The following ARHGEF26 variants were observed in gnomAD, a reference collection of about 807,000 sequenced individuals.
ARHGEF26 encodes Rho guanine nucleotide exchange factor 26.
Under a neutral mutation model 89.4 loss-of-function variants are expected in ARHGEF26, and 59 were observed. That is an observed-to-expected ratio of 0.66 (90% CI 0.54 to 0.82). The LOEUF is 0.82. Among genes scored for constraint, ARHGEF26 ranks in the 40% least tolerant of loss-of-function variants. The pLI is 0.00. For synonymous variants in ARHGEF26, 500 were observed against 428.4 expected (o/e 1.17, Z -2.06); for missense variants, 1,234 against 1,085.6 (o/e 1.14, Z -1.92).
At chr3:154,177,066 T>C (rs767598866) in intron 6 of ARHGEF26, among the ~76,000 whole-genome samples, 4 of 152,186 alleles carry the variant, frequency 2.6e-5, no homozygotes, top group Non-Finnish European at 5.9e-5. Flanking sequence ...AAGGGATGCA[T>C]GTATAAAACA....
In ARHGEF26 at chr3:154,256,906, A is replaced by C. The variant is rs1193459831; in HGVS notation, c.*1433A>C. The C allele has an allele frequency of 6.5e-7, 1 of 1,535,220 alleles. No individual in the cohort carries two copies. Among genetic ancestry groups the C allele is most frequent in the South Asian group, 1.2e-5 (1 of 83,986 alleles). On this transcript the variant is annotated 3_prime_UTR_variant, in exon 15 of 15. Coordinates refer to ENST00000465093, the MANE Select transcript of ARHGEF26 (RefSeq NM_015595.4). The stretch of plus-strand genomic sequence containing the variant: ...AAAGGTTATCTTAATAGTCGGTTTC[A>C]TGGAGATGAAGGATGGGAGATTAAG...
intron 2 of ARHGEF26, 63 bp from the exon 3 acceptor site, chr3:154,124,345 GGC>G: frequency 9.8e-7 from 1 of 1,022,810 alleles, no homozygotes; most frequent in Non-Finnish European, 1.4e-6. Flanking sequence ...TTTTCTATTT[GGC>G]TCATTCATAC....
chr3:154,245,387 G>C (rs1040898631), intron 12 of ARHGEF26, among the ~76,000 whole-genome samples: 2 of 152,160 alleles, frequency 1.3e-5, no homozygotes, highest in African/African-American at 4.8e-5. Flanking sequence ...TTAAATTTAG[G>C]ATATCATATG....
At chr3:154,235,093 G>A (rs1182613430) in intron 11 of ARHGEF26, among the ~76,000 whole-genome samples, 2 of 151,540 alleles carry the variant, frequency 1.3e-5, no homozygotes, top group African/African-American at 4.9e-5. Flanking sequence ...GGCTATTTCT[G>A]CATGTTTATT....
chr3:154,197,027 CT>C (rs1235432634), intron 9 of ARHGEF26, among the ~76,000 whole-genome samples: 1 of 152,050 alleles, frequency 6.6e-6, no homozygotes, highest in Non-Finnish European at 1.5e-5. Context: ...CTTCAGGCAT[CT>C]CTTGTTCACT....
chr3:154,203,850 CTT>C (rs78946220), intron 9 of ARHGEF26, among the ~76,000 whole-genome samples: 7 of 141,472 alleles, frequency 4.9e-5, no homozygotes, highest in African/African-American at 1.3e-4. Context: ...GATAATCTCT[CTT>C]TTTTTTTTTT....
chr3:154,187,668 TC>T lies in ARHGEF26; in HGVS notation c.1488-14del. 6.3e-7 allele frequency: 1 copy of T among 1,583,010 alleles called. No individual in the cohort carries two copies. The highest frequency in any genetic ancestry group is 8.6e-7 in the Non-Finnish European group (1 of 1,163,402). On this transcript the variant is annotated splice_polypyrimidine_tract_variant and intron_variant, in intron 6 of 14. Coordinates refer to ENST00000465093, the MANE Select transcript of ARHGEF26 (RefSeq NM_015595.4). ...TATGAAAGAAGTGTTAATTTTTTTTTCCCTTTGGTTTTTCAGGTTCTTTATA... is the reference window on the plus strand; with the variant it reads ...TATGAAAGAAGTGTTAATTTTTTTTTCCTTTGGTTTTTCAGGTTCTTTATA...
intron 2 of ARHGEF26, 81 bp downstream of exon 2, chr3:154,123,156 GAAACCC>G: frequency 2.6e-6 from 4 of 1,542,120 alleles, no homozygotes; most frequent in Non-Finnish European, 3.5e-6. Flanking sequence ...GAGCGTAGAG[GAAACCC>G]GAAGAAGTCA....
chr3:154,178,506 T>C (rs1278617904), intron 6 of ARHGEF26, among the ~76,000 whole-genome samples: 1 of 152,226 alleles, frequency 6.6e-6, no homozygotes, highest in Non-Finnish European at 1.5e-5. Context: ...ATGTGGTCTT[T>C]GATGACTGCT....
At chr3:154,175,400 T>A (rs1712747058) in intron 6 of ARHGEF26, among the ~76,000 whole-genome samples, 1 of 151,804 alleles carries the variant, frequency 6.6e-6, no homozygotes, top group Non-Finnish European at 1.5e-5. Flanking sequence ...TGCTTCCCTC[T>A]TCTTTTTCTA....
Position 154,256,924 on chromosome 3 carries a change from A to C in ARHGEF26, c.*1451A>C, listed in dbSNP as rs1718558039. 1 of 1,534,834 alleles carries C rather than the reference A, an allele frequency of 6.5e-7. No homozygotes were observed. Among genetic ancestry groups the C allele is most frequent in the South Asian group, 1.2e-5 (1 of 83,964 alleles). ...CGGTTTCATGGAGATGAAGGATGGG[A>C]GATTAAGAGGGGGGAAATGATTTTT... On this transcript the variant is annotated 3_prime_UTR_variant, in exon 15 of 15. Transcript: ENST00000465093.
chr3:154,123,773 G>GT (rs1394847539), intron 2 of ARHGEF26, among the ~76,000 whole-genome samples: 1 of 152,192 alleles, frequency 6.6e-6, no homozygotes, highest in Admixed American at 6.5e-5. Flanking sequence ...TGGACACTGT[G>GT]TGGTATTGCT....
chr3:154,169,612 A>T (rs900413340), intron 6 of ARHGEF26, among the ~76,000 whole-genome samples: 2 of 152,188 alleles, frequency 1.3e-5, no homozygotes, highest in African/African-American at 4.8e-5. Flanking sequence ...ATGTGTGTTT[A>T]AGGTAAGCTC....
intron 6 of ARHGEF26, among the ~76,000 whole-genome samples, chr3:154,155,379 T>C (rs1576712695): frequency 6.6e-6 from 1 of 151,990 alleles, no homozygotes; most frequent in Non-Finnish European, 1.5e-5. Flanking sequence ...AGATCAGCAA[T>C]GTTAACATGT....
chr3:154,161,025 G>C (rs1394898211), intron 6 of ARHGEF26, among the ~76,000 whole-genome samples: 2 of 151,910 alleles, frequency 1.3e-5, no homozygotes, highest in Non-Finnish European at 2.9e-5. Flanking sequence ...TGTTGTACAG[G>C]AAACGAAGGT....
chr3:154,181,767 G>T (rs1354636596), intron 6 of ARHGEF26, among the ~76,000 whole-genome samples: 1 of 152,080 alleles, frequency 6.6e-6, no homozygotes, highest in Admixed American at 6.6e-5. Flanking sequence ...GGCCCTTCCT[G>T]TACCTAGCAC....
chr3:154,173,649 A>G (rs1334317938), intron 6 of ARHGEF26, among the ~76,000 whole-genome samples: 1 of 152,224 alleles, frequency 6.6e-6, no homozygotes, highest in Non-Finnish European at 1.5e-5. Context: ...AATATGAGAA[A>G]CTTTTCAGGA....
rs142510347 is a variant in ARHGEF26, at chr3:154,212,520, G to T, written c.1846-5349G>T. 5.0e-5 allele frequency among the ~76,000 whole-genome samples: 7 copies of T among 139,938 alleles called. No individual in the cohort carries two copies. The East Asian group carries it at 1.6e-3, about 31-fold the overall frequency. The allele number at this position is 139,938 out of a possible 152,430, so 91.8% of individuals were successfully genotyped here. A position where few individuals can be genotyped will look rare whatever the true frequency, so the allele number is the denominator to read the frequency against. On this transcript the variant is annotated intron_variant, in intron 9 of 14. Coordinates refer to ENST00000465093, the MANE Select transcript of ARHGEF26 (RefSeq NM_015595.4). ...CCAATATTAGCATATGACTGTAAAG[G>T]AACACTTAAAAGTGGTCTCCAACCT... is the stretch of plus-strand genomic sequence containing the variant.
rs148343305 is a variant in ARHGEF26 at position 154,169,202 on chromosome 3, A to G, written c.1487+16270A>G. Among the ~76,000 whole-genome samples the G allele has an allele frequency of 3.5e-4, 53 of 152,246 alleles. No homozygotes were observed. In the East Asian group the frequency reaches 8.1e-3, roughly 23 times the overall value. ...TTAGCCTGCCAGTATTGAAGTCTCA[A>G]TTCCTCATCTGCTACAGGAGCCTGA... On this transcript the variant is annotated intron_variant, in intron 6 of 14. Coordinates refer to ENST00000465093, the MANE Select transcript of ARHGEF26 (RefSeq NM_015595.4).
Sources: allele counts gnomAD v4.1 joint callset (sites outside exome capture counted in the v4.1 genomes callset), GRCh38; gene constraint gnomAD v4.1.1; transcripts MANE v1.5; gene names NCBI Gene and HGNC (gene_info 2026-07-23, HGNC 2026-07-21).